FSTL4: variants seen among roughly 807,000 people sequenced by gnomAD.
FSTL4 encodes the protein follistatin like 4, also known as follistatin-related protein 4.
FSTL4 carries 28 observed loss-of-function variants against 78.2 expected under a neutral mutation model. The observed-to-expected ratio is 0.36, with a 90% CI of 0.27 to 0.49. FSTL4 has a LOEUF of 0.49. Ranked by LOEUF, FSTL4 falls within the 20% of genes least tolerant of loss-of-function variation. FSTL4 has a pLI of 0.98. For synonymous variants in FSTL4, 422 were observed against 440.5 expected, an observed-to-expected ratio of 0.96 and a Z score of 0.53; for missense variants, 922 against 1,084.9, an observed-to-expected ratio of 0.85 and a Z score of 2.11.
chr5:133,265,192 C>T (rs1006124340), intron 6 of FSTL4, among the ~76,000 whole-genome samples: 2 of 152,040 alleles, frequency 1.3e-5, no homozygotes, highest in Admixed American at 1.3e-4. Flanking sequence ...GGCTCCTCTG[C>T]CTGGCACTGA....
chr5:133,206,721 A>C (rs1750518577), intron 14 of FSTL4, among the ~76,000 whole-genome samples: 1 of 151,676 alleles, frequency 6.6e-6, no homozygotes, highest in African/African-American at 2.4e-5. Flanking sequence ...CTCATTCCTC[A>C]TTTTGTCTAT....
chr5:133,700,201 C>G, the FSTL4 span, among the ~76,000 whole-genome samples: 1 of 151,374 alleles, frequency 6.6e-6, no homozygotes, highest in Admixed American at 6.6e-5. Flanking sequence ...ACCACCACAC[C>G]AAACCATCAC....
At chr5:133,423,500 T>C (rs1441886972) in intron 3 of FSTL4, among the ~76,000 whole-genome samples, 2 of 152,182 alleles carry the variant, frequency 1.3e-5, no homozygotes, top group South Asian at 4.1e-4. Flanking sequence ...CCAATTCTGC[T>C]GCTATGTGAG....
chr5:133,504,918 T>A (rs1758582772), intron 3 of FSTL4, among the ~76,000 whole-genome samples: 1 of 152,240 alleles, frequency 6.6e-6, no homozygotes, highest in South Asian at 2.1e-4. Context: ...CCTGTGAATA[T>A]GAACTCGAGT....
intron 8 of FSTL4, among the ~76,000 whole-genome samples, chr5:133,228,860 C>T (rs915167592): frequency 6.6e-6 from 1 of 152,132 alleles, no homozygotes; most frequent in Non-Finnish European, 1.5e-5. Flanking sequence ...AGAGGCAATA[C>T]CAGACTCCCA....
At chr5:133,701,943 C>A in the FSTL4 span, among the ~76,000 whole-genome samples, 5 of 152,122 alleles carry the variant, frequency 3.3e-5, no homozygotes, top group African/African-American at 1.2e-4. Flanking sequence ...GCACATAGCT[C>A]ATGTCCTGGC....
intron 4 of FSTL4, among the ~76,000 whole-genome samples, chr5:133,341,076 G>A (rs530931842): frequency 5.9e-5 from 9 of 152,232 alleles, no homozygotes; most frequent in African/African-American, 1.9e-4. Context: ...ACTCTCATTC[G>A]CATCACACAG....
rs148161160 is a variant in FSTL4 at position 133,552,984 on chromosome 5, T to A, written c.160+14202A>T. Among the ~76,000 whole-genome samples, 346 of 152,334 alleles carry A rather than the reference T, an allele frequency of 2.3e-3. 2 individuals are homozygous for A. The highest frequency in any genetic ancestry group is 7.9e-3 in the African/African-American group (327 of 41,578). On this transcript the variant is annotated intron_variant, in intron 3 of 15. Transcript: ENST00000265342. ...GCCACAGAATTCTCAACTGTAGGGT[T>A]CAGGGCAAGCGACCTCTGGGTAAAG...
chr5:133,513,679 G>C (rs1405798759), intron 3 of FSTL4, among the ~76,000 whole-genome samples: 1 of 152,152 alleles, frequency 6.6e-6, no homozygotes. Flanking sequence ...GCAGTGACTG[G>C]GAATGGATCA....
At chr5:133,430,756 T>C (rs963884973) in intron 3 of FSTL4, among the ~76,000 whole-genome samples, 11 of 152,206 alleles carry the variant, frequency 7.2e-5, no homozygotes, top group African/African-American at 2.7e-4. Flanking sequence ...CTGACTGTTT[T>C]TTGAAGAATG....
chr5:133,748,071 G>A, the FSTL4 span, among the ~76,000 whole-genome samples: 9 of 152,110 alleles, frequency 5.9e-5, no homozygotes, highest in Non-Finnish European at 1.5e-5. Context: ...GCACGTGCCT[G>A]TAGTCCCAGC....
At chr5:133,327,170 C>A (rs577528076) in intron 4 of FSTL4, among the ~76,000 whole-genome samples, 2 of 152,226 alleles carry the variant, frequency 1.3e-5, no homozygotes, top group Non-Finnish European at 2.9e-5. Flanking sequence ...AACGAAGAAC[C>A]TGTTTACTCT....
Position 133,567,199 on chromosome 5 carries a change from G to T in FSTL4, c.147C>A (p.Val49=). 1.2e-6 allele frequency: 2 copies of T among 1,608,812 alleles called. No homozygotes were observed. The highest frequency in any genetic ancestry group is 1.1e-5 in the South Asian group (1 of 90,974). Residue 49 remains valine, a synonymous_variant, in exon 3 of 16, where the codon GTC becomes GTA. Transcript: ENST00000265342. ...SQAEEPRSFE[V]TRREGLSSHN... ...CATTTTTCCTACCTTCTCTTCTTGT[G>T]ACTTCAAAGCTTCTGGGCTCCTGCA...
chr5:133,504,339 G>C (rs967501811), intron 3 of FSTL4, among the ~76,000 whole-genome samples: 5 of 152,008 alleles, frequency 3.3e-5, no homozygotes, highest in African/African-American at 1.2e-4. Context: ...TGATCAAAAC[G>C]CTCCTCAAAC....
chr5:133,482,411 G>T (rs1465368443), intron 3 of FSTL4, among the ~76,000 whole-genome samples: 1 of 152,230 alleles, frequency 6.6e-6, no homozygotes, highest in African/African-American at 2.4e-5. Flanking sequence ...AACATAACTG[G>T]CAAGGGTAGG....
At chr5:133,240,576 G>C (rs542474502) in intron 7 of FSTL4, among the ~76,000 whole-genome samples, 2 of 152,322 alleles carry the variant, frequency 1.3e-5, no homozygotes, top group South Asian at 4.1e-4. Flanking sequence ...CTCGGGGCAT[G>C]TGTGGTCCCT....
At chr5:133,771,842 C>A in the FSTL4 span, among the ~76,000 whole-genome samples, 7 of 152,134 alleles carry the variant, frequency 4.6e-5, no homozygotes, top group African/African-American at 1.7e-4. Context: ...ATCAGATGAA[C>A]CTGCAAACAA....
Position 133,225,335 on chromosome 5 carries a change from A to T in FSTL4, c.1178-51T>A. On this transcript the variant is annotated intron_variant, in intron 9 of 15. Transcript: ENST00000265342. The surrounding 1 kb of genome is among the most constrained non-coding windows in gnomAD (Gnocchi z 4.6). ...GGACTGCTCAGCTGGAGACCCACTC[A>T]CTTTCCTTTATGGGGCCATTGAGAG... is the stretch of plus-strand genomic sequence containing the variant. The T allele has an allele frequency of 6.2e-7, 1 of 1,610,462 alleles. No homozygotes were observed. Among genetic ancestry groups the T allele is most frequent in the African/African-American group, 1.3e-5 (1 of 74,880 alleles).
intron 6 of FSTL4, among the ~76,000 whole-genome samples, chr5:133,280,137 C>T (rs566540952): frequency 1.8e-4 from 27 of 152,248 alleles, no homozygotes; most frequent in African/African-American, 6.5e-4. Context: ...TCATATCAGC[C>T]CTAGGAAACC....
Sources: gnomAD v4.1 joint callset for allele counts (sites outside exome capture counted in the v4.1 genomes callset) on GRCh38, gnomAD v4.1.1 for gene constraint, Gnocchi (gnomAD v3.1) non-coding constraint, MANE v1.5 for transcripts, NCBI Gene and HGNC (gene_info 2026-07-23, HGNC 2026-07-21) for gene names.